The following SLC12A3 variants were observed in gnomAD, a reference collection of about 807,000 sequenced individuals.
SLC12A3 encodes Na-Cl cotransporter.
Under a neutral mutation model 121.0 loss-of-function variants are expected in SLC12A3, and 104 were observed. The observed-to-expected ratio is 0.86, with a 90% CI of 0.73 to 1.01. SLC12A3 has a LOEUF of 1.01. Among genes scored for constraint, SLC12A3 ranks in the 50% least tolerant of loss-of-function variants. SLC12A3 has a pLI of 0.00. For missense variants in SLC12A3, 1,328 were observed against 1,356.3 expected (o/e 0.98, Z 0.33); for synonymous variants, 536 against 533.4 (o/e 1.00, Z -0.07).
intron 15 of SLC12A3, 93 bp from the exon 16 acceptor site, chr16:56,886,271 C>T (rs1436963750): frequency 2.3e-6 from 2 of 884,972 alleles, no homozygotes; most frequent in Admixed American, 1.9e-5. Context: ...GGTGGCCACA[C>T]CACCATTCAG....
intron 24 of SLC12A3, among the ~76,000 whole-genome samples, chr16:56,902,991 C>G (rs1352157998): frequency 6.6e-6 from 1 of 151,530 alleles, no homozygotes; most frequent in Non-Finnish European, 1.5e-5. Flanking sequence ...ACTAAAAATA[C>G]AAAAAAAATT....
At position 56,915,731 on chromosome 16, in the gene SLC12A3, C is replaced by T. The variant is rs1399302875; in HGVS notation, c.*2326C>T. 4 of 151,984 alleles carry T rather than the reference C, an allele frequency of 2.6e-5. No individual in the cohort carries two copies. The highest frequency in any genetic ancestry group is 1.9e-4 in the East Asian group (1 of 5,204). The allele number at this position is 151,984 out of a possible 1,614,324, so 9.4% of individuals were successfully genotyped here. A position where few individuals can be genotyped will look rare whatever the true frequency, so the allele number is the denominator to read the frequency against. On this transcript the variant is annotated 3_prime_UTR_variant, in exon 26 of 26. Coordinates refer to ENST00000563236, the MANE Select transcript of SLC12A3 (RefSeq NM_001126108.2). Reference sequence around the variant, plus strand: ...TCGGGTGTCAAAAAAAAAATTTTCACGATGTCAGAAATAGTATGTTTTTAA... The same window carrying T: ...TCGGGTGTCAAAAAAAAAATTTTCATGATGTCAGAAATAGTATGTTTTTAA...
At chr16:56,887,794 ATATATT>A (rs1403660224) in intron 17 of SLC12A3, 125 bp from the exon 18 acceptor site, 3,798 of 101,700 alleles carry the variant, frequency 0.037, 42 homozygotes, top group Non-Finnish European at 0.055. Flanking sequence ...ATATATATAT[ATATATT>A]TTTTTTTTTT....
intron 23 of SLC12A3, among the ~76,000 whole-genome samples, chr16:56,901,335 A>ATC (rs1406749761): frequency 4.7e-5 from 5 of 106,848 alleles, no homozygotes; most frequent in Admixed American, 1.9e-4. Context: ...TCAGCCCTAC[A>ATC]TCTCTCTCTC....
chr16:56,898,723 C>T (rs1227407786), intron 22 of SLC12A3, among the ~76,000 whole-genome samples: 1 of 152,230 alleles, frequency 6.6e-6, no homozygotes, highest in African/African-American at 2.4e-5. Flanking sequence ...TTCTCCTTCC[C>T]TGTTAGATGC....
At chr16:56,896,633 G>A (rs1397944897) in intron 22 of SLC12A3, among the ~76,000 whole-genome samples, 2 of 152,144 alleles carry the variant, frequency 1.3e-5, no homozygotes, top group Non-Finnish European at 2.9e-5. Context: ...TGTGCCTGTA[G>A]TACTGGCCAC....
chr16:56,892,984 G>C lies in SLC12A3; in HGVS notation c.2451G>C (p.Gln817His). 3.7e-6 allele frequency: 6 copies of C among 1,614,228 alleles called. No individual in the cohort carries two copies. Among genetic ancestry groups the C allele is most frequent in the Non-Finnish European group, 5.1e-6 (6 of 1,180,016 alleles). ...VDPKALVKEE[Q>H]ATTIFQSEQG... ...CCAAGGCCCTGGTGAAGGAGGAGCA[G>C]GCCACCACCATCTTCCAGTCGGAGC... Residue 817 changes from glutamine (Q) to histidine (H), a missense_variant, in exon 21 of 26, where the codon CAG becomes CAC. Physicochemically the swap from Gln to His is conservative, Grantham distance 24. Coordinates refer to ENST00000563236, the MANE Select transcript of SLC12A3 (RefSeq NM_001126108.2).
At chr16:56,868,973 C>CA (rs149840877) in intron 3 of SLC12A3, among the ~76,000 whole-genome samples, 4,323 of 124,160 alleles carry the variant, frequency 0.035, 96 homozygotes, top group African/African-American at 0.073. Flanking sequence ...AACTCCATCT[C>CA]AAAAAAAATA....
chr16:56,879,886 C>T (rs1446981344), intron 11 of SLC12A3, among the ~76,000 whole-genome samples: 2 of 152,178 alleles, frequency 1.3e-5, no homozygotes, highest in Admixed American at 6.5e-5. Flanking sequence ...GCATCCTGTC[C>T]GCAACTCCAC....
chr16:56,885,208 T>A (rs368437549), intron 14 of SLC12A3, 57 bp from the exon 15 acceptor site: 130 of 1,078,932 alleles, frequency 1.2e-4, no homozygotes, highest in East Asian at 1.0e-3. Flanking sequence ...ACGTGTCTGG[T>A]TTCCTCTAGT....
At chr16:56,888,123 G>T in intron 18 of SLC12A3, 92 bp downstream of exon 18, 1 of 912,560 alleles carries the variant, frequency 1.1e-6, no homozygotes, top group Non-Finnish European at 1.7e-6. Context: ...TGCTTAAAAA[G>T]TTGAGTCCTG....
chr16:56,881,451 G>GC (rs540896672), intron 12 of SLC12A3, among the ~76,000 whole-genome samples: 85 of 152,186 alleles, frequency 5.6e-4, no homozygotes, highest in African/African-American at 1.9e-3. Context: ...ATCTGGGGGG[G>GC]GGTCTGACTT....
chr16:56,895,738 T>C (rs1022653082), intron 22 of SLC12A3, among the ~76,000 whole-genome samples: 3 of 151,968 alleles, frequency 2.0e-5, no homozygotes, highest in Non-Finnish European at 2.9e-5. Context: ...TTACATTTAT[T>C]GTGCACTTTA....
At chr16:56,909,318 A>G (rs1483580032) in intron 25 of SLC12A3, among the ~76,000 whole-genome samples, 1 of 97,444 alleles carries the variant, frequency 1.0e-5, no homozygotes, top group Admixed American at 1.0e-4. Context: ...AAAGAAAGCA[A>G]AAAAAAAAAA....
At chr16:56,892,671 G>C (rs1400855480) in intron 20 of SLC12A3, among the ~76,000 whole-genome samples, 2 of 152,150 alleles carry the variant, frequency 1.3e-5, no homozygotes, top group Admixed American at 6.5e-5. Flanking sequence ...CATTTGTGAA[G>C]GGTGCAGGAG....
At chr16:56,903,376 C>T (rs1451452589) in intron 24 of SLC12A3, among the ~76,000 whole-genome samples, 1 of 152,118 alleles carries the variant, frequency 6.6e-6, no homozygotes, top group Non-Finnish European at 1.5e-5. Flanking sequence ...GGGCAAGGGC[C>T]GGGTCCTACT....
Position 56,899,608 on chromosome 16 carries a change from G to A in SLC12A3, c.2712G>A (p.Arg904=). ...HILPDINQNP[R]AEHTKRFEDM... is the part of the protein sequence containing the mutation. Reference sequence around the variant, plus strand: ...TCCCTGACATCAACCAGAACCCTCGGGCTGAGCAGTAAGTTCTGTTTTGGG... The same window carrying A: ...TCCCTGACATCAACCAGAACCCTCGAGCTGAGCAGTAAGTTCTGTTTTGGG... Residue 904 remains arginine, a synonymous_variant, in exon 23 of 26, where the codon CGG becomes CGA. Coordinates refer to ENST00000563236, the MANE Select transcript of SLC12A3 (RefSeq NM_001126108.2). 2 of 1,613,636 alleles carry A rather than the reference G, an allele frequency of 1.2e-6. No individual in the cohort carries two copies. The highest frequency in any genetic ancestry group is 1.1e-5 in the South Asian group (1 of 91,074).
chr16:56,904,329 G>C, intron 24 of SLC12A3, 66 bp from the exon 25 acceptor site: 1 of 1,385,770 alleles, frequency 7.2e-7, no homozygotes, highest in African/African-American at 1.4e-5. Flanking sequence ...TGAGGCCATA[G>C]ACGTGGTGAA....
chr16:56,872,936 A>C, intron 8 of SLC12A3, 150 bp downstream of exon 8: 2 of 991,826 alleles, frequency 2.0e-6, no homozygotes, highest in Non-Finnish European at 3.1e-6. Context: ...GTTCAACCCA[A>C]TCCAACCGAT....
Sources: allele counts gnomAD v4.1 joint callset (sites outside exome capture counted in the v4.1 genomes callset), GRCh38; gene constraint gnomAD v4.1.1; transcripts MANE v1.5; gene names NCBI Gene and HGNC (gene_info 2026-07-23, HGNC 2026-07-21).